The following RPSA2 variants were observed in gnomAD, a reference collection of about 807,000 sequenced individuals.
RPSA2 encodes the protein small ribosomal subunit protein uS2B.
chr19:23,817,673 TAA>T, the RPSA2 span: 2 of 6,372 alleles, frequency 3.1e-4, no homozygotes, highest in Non-Finnish European at 0.012. Context: ...AGCCTTGGAC[TAA>T]GACAGGGCTT....
At chr19:23,851,980 C>T in the RPSA2 span, among the ~76,000 whole-genome samples, 1 of 152,138 alleles carries the variant, frequency 6.6e-6, no homozygotes, top group African/African-American at 2.4e-5. Context: ...AACTATTCTA[C>T]ACCGAGCTTG....
the RPSA2 span, among the ~76,000 whole-genome samples, chr19:23,870,531 A>AG: frequency 2.0e-5 from 3 of 151,574 alleles, no homozygotes; most frequent in African/African-American, 7.3e-5. Flanking sequence ...ATTACAAAAA[A>AG]AAGTTCTTGA....
chr19:23,849,362 TATA>T, the RPSA2 span, among the ~76,000 whole-genome samples: 4 of 149,768 alleles, frequency 2.7e-5, no homozygotes, highest in East Asian at 2.0e-4. Context: ...TGAGAAGAAT[TATA>T]ATGCCAATTA....
chr19:23,785,862 C>G, the RPSA2 span, among the ~76,000 whole-genome samples: 3 of 152,264 alleles, frequency 2.0e-5, no homozygotes, highest in South Asian at 6.2e-4. Context: ...CCTCGGTCTC[C>G]TTTTTTGTAC....
the RPSA2 span, among the ~76,000 whole-genome samples, chr19:23,802,787 A>T: frequency 2.0e-5 from 3 of 152,196 alleles, no homozygotes; most frequent in Non-Finnish European, 4.4e-5. Context: ...TTGACTATCA[A>T]CTGGATAAAT....
At chr19:23,837,607 T>C in the RPSA2 span, among the ~76,000 whole-genome samples, 148,915 of 152,240 alleles carry the variant, frequency 0.98, 72,925 homozygotes, top group Middle Eastern at 1. Context: ...GGGATGTGTT[T>C]CCATTTGTTT....
the RPSA2 span, among the ~76,000 whole-genome samples, chr19:23,788,845 G>A: frequency 2.0e-5 from 3 of 151,864 alleles, no homozygotes; most frequent in African/African-American, 4.8e-5. Flanking sequence ...GACTGTCCTC[G>A]CCTACATGCT....
chr19:23,786,729 T>C, the RPSA2 span, among the ~76,000 whole-genome samples: 1 of 152,210 alleles, frequency 6.6e-6, no homozygotes, highest in Non-Finnish European at 1.5e-5. Context: ...TGTGACAGAT[T>C]ACTGGCCTAG....
the RPSA2 span, among the ~76,000 whole-genome samples, chr19:23,868,113 G>A: frequency 6.6e-6 from 1 of 152,194 alleles, no homozygotes; most frequent in African/African-American, 2.4e-5. Flanking sequence ...AGAGCTATTA[G>A]TGCACAAATT....
At chr19:23,832,825 G>A in the RPSA2 span, 9 of 1,576,424 alleles carry the variant, frequency 5.7e-6, no homozygotes, top group Non-Finnish European at 7.8e-6. Context: ...ATGTGGCAAA[G>A]CTTTCAGCCA....
At chr19:23,860,033 C>T in the RPSA2 span, among the ~76,000 whole-genome samples, 1 of 152,110 alleles carries the variant, frequency 6.6e-6, no homozygotes, top group Non-Finnish European at 1.5e-5. Context: ...AAGAGGGTAC[C>T]AGATTCCAAG....
At chr19:23,764,049 G>T in the RPSA2 span, among the ~76,000 whole-genome samples, 1 of 152,124 alleles carries the variant, frequency 6.6e-6, no homozygotes, top group Non-Finnish European at 1.5e-5. Context: ...AATTATGATT[G>T]AATTTTGTTT....
At chr19:23,859,280 T>C in the RPSA2 span, among the ~76,000 whole-genome samples, 765 of 152,244 alleles carry the variant, frequency 5.0e-3, 10 homozygotes, top group African/African-American at 0.018. Flanking sequence ...TAGAAAATTC[T>C]TGTTTCCCTA....
the RPSA2 span, among the ~76,000 whole-genome samples, chr19:23,857,247 C>T: frequency 2.6e-5 from 4 of 152,142 alleles, no homozygotes; most frequent in Admixed American, 2.0e-4. Context: ...ACAGTTATCA[C>T]AGGGTCCTGA....
At chr19:23,805,161 A>G in the RPSA2 span, among the ~76,000 whole-genome samples, 6 of 1,274 alleles carry the variant, frequency 4.7e-3, no homozygotes, top group Non-Finnish European at 0.045. Context: ...ACACACACAC[A>G]CACTTTTTTT....
At chr19:23,797,033 A>G in the RPSA2 span, among the ~76,000 whole-genome samples, 1 of 123,420 alleles carries the variant, frequency 8.1e-6, no homozygotes, top group Non-Finnish European at 2.0e-5. Context: ...ATTAAATGCT[A>G]TAAATTTCCC....
At chr19:23,863,024 A>T in the RPSA2 span, among the ~76,000 whole-genome samples, 5 of 152,018 alleles carry the variant, frequency 3.3e-5, no homozygotes, top group South Asian at 2.1e-4. Context: ...ATGTGTAAAA[A>T]ATAATTAGGA....
the RPSA2 span, among the ~76,000 whole-genome samples, chr19:23,789,966 C>G: frequency 6.6e-6 from 1 of 152,114 alleles, no homozygotes; most frequent in African/African-American, 2.4e-5. Context: ...GCATGAGCCA[C>G]TGCGCCTGCC....
the RPSA2 span, among the ~76,000 whole-genome samples, chr19:23,834,926 TC>T: frequency 6.6e-6 from 1 of 152,074 alleles, no homozygotes; most frequent in Non-Finnish European, 1.5e-5. Context: ...AATGTATTTT[TC>T]TTAATTTCTG....
Sources: gnomAD v4.1 joint callset for allele counts (sites outside exome capture counted in the v4.1 genomes callset) on GRCh38, gnomAD v4.1.1 for gene constraint, MANE v1.5 for transcripts, NCBI Gene and HGNC (gene_info 2026-07-23, HGNC 2026-07-21) for gene names.